Variants in ATP2A2 observed in about 807,000 individuals in gnomAD.
ATP2A2 encodes sarcoplasmic/endoplasmic reticulum calcium ATPase 2.
A neutral mutation model predicts 109.3 loss-of-function variants in ATP2A2; 14 were observed. The ratio of observed to expected loss-of-function variants is 0.13; its 90% confidence interval spans 0.08 to 0.20. ATP2A2 has a LOEUF of 0.20. Among genes scored for constraint, ATP2A2 ranks in the 10% least tolerant of loss-of-function variants. The pLI is 1.00. For synonymous variants in ATP2A2, 506 were observed against 490.9 expected (o/e 1.03, Z -0.41); for missense variants, 657 against 1,321.6 (o/e 0.50, Z 7.80).
intron 4 of ATP2A2, among the ~76,000 whole-genome samples, chr12:110,294,287 C>T (rs1016145998): frequency 6.6e-6 from 1 of 152,166 alleles, no homozygotes; most frequent in African/African-American, 2.4e-5. Flanking sequence ...TTGTGATCCG[C>T]CTGCCTCGGC....
In ATP2A2 at chr12:110,339,150, G is replaced by T; in HGVS notation, c.1420-131G>T. The T allele has an allele frequency of 7.7e-7, 1 of 1,292,342 alleles. No individual in the cohort carries two copies. The highest frequency in any genetic ancestry group is 2.4e-5 in the East Asian group (1 of 41,552). 80.1% of individuals were successfully genotyped at this position (1,292,342 alleles called of 1,614,324 possible). ...AAAATAGGGGACAAGTTTCATGAGG[G>T]CAAAAACCTGTCTGTTTTGTTTATT... On this transcript the variant is annotated intron_variant, in intron 11 of 19. Coordinates refer to ENST00000539276, the MANE Select transcript of ATP2A2 (RefSeq NM_170665.4). The surrounding 1 kb of genome is among the most constrained non-coding windows in gnomAD (Gnocchi z 4.4).
At chr12:110,332,740 A>G in intron 9 of ATP2A2, 55 bp downstream of exon 9, 3 of 1,423,862 alleles carry the variant, frequency 2.1e-6, no homozygotes, top group Admixed American at 3.3e-5. Flanking sequence ...TAGTATTTGT[A>G]TTGATTTGCA....
chr12:110,317,413 T>G (rs1876782998), intron 5 of ATP2A2, among the ~76,000 whole-genome samples: 1 of 145,616 alleles, frequency 6.9e-6, no homozygotes, highest in South Asian at 2.1e-4. Flanking sequence ...ATTTTTGGTT[T>G]GTTTGGGTTT....
At position 110,339,476 on chromosome 12, in the gene ATP2A2, G is replaced by GT. The variant is rs1566237848; in HGVS notation, c.1543-24dup. 6 of 1,613,932 alleles carry GT rather than the reference G, an allele frequency of 3.7e-6. No homozygotes were observed. The Admixed American group carries it at 6.7e-5, about 18-fold the overall frequency. On this transcript the variant is annotated intron_variant, in intron 12 of 19. Transcript: ENST00000539276. The surrounding 1 kb of genome is among the most constrained non-coding windows in gnomAD (Gnocchi z 4.4). Reference sequence around the variant, plus strand: ...CCCGGTGAACCAATAAAACAAAATTGTTTATCTAAATCTGTAACATTTCCA... The same window carrying GT: ...CCCGGTGAACCAATAAAACAAAATTGTTTTATCTAAATCTGTAACATTTCCA...
At chr12:110,288,175 A>T (rs1219804241) in intron 3 of ATP2A2, among the ~76,000 whole-genome samples, 2 of 140,940 alleles carry the variant, frequency 1.4e-5, no homozygotes, top group Non-Finnish European at 3.0e-5. Flanking sequence ...TAGTGGCACG[A>T]TCATAGCTCA....
At position 110,325,156 on chromosome 12, in the gene ATP2A2, A is replaced by G. The variant is rs900180033; in HGVS notation, c.545-1234A>G. ...AAGTTTAAAAAAAAATTTAAACTTC[A>G]TAGAGGTTCTCGAATATTATCTTTC... On this transcript the variant is annotated intron_variant, in intron 6 of 19. Transcript: ENST00000539276. Among the ~76,000 whole-genome samples, 22 of 152,324 alleles carry G rather than the reference A, an allele frequency of 1.4e-4. 1 individual carries two copies. Among genetic ancestry groups the G allele is most frequent in the Admixed American group, 6.5e-5 (1 of 15,302 alleles).
chr12:110,297,629 G>A (rs1177764272), intron 5 of ATP2A2, among the ~76,000 whole-genome samples: 2 of 151,118 alleles, frequency 1.3e-5, no homozygotes, highest in African/African-American at 4.9e-5. Context: ...GTTTTGTTTT[G>A]TTTTTTGAGA....
Position 110,343,440 on chromosome 12 carries a change from T to C in ATP2A2, c.2521+6T>C. 6.2e-7 allele frequency: 1 copy of C among 1,613,684 alleles called. No homozygotes were observed. Among genetic ancestry groups the C allele is most frequent in the South Asian group, 1.1e-5 (1 of 91,068 alleles). ...CCGTTACTTGGCTATTGGCTGTGAGTACAATTTTTTTATATTACTGATTTT... is the reference window on the plus strand; with the variant it reads ...CCGTTACTTGGCTATTGGCTGTGAGCACAATTTTTTTATATTACTGATTTT... On this transcript the variant is annotated splice_donor_region_variant and intron_variant, in intron 16 of 19. Transcript: ENST00000539276.
intron 3 of ATP2A2, among the ~76,000 whole-genome samples, chr12:110,286,472 A>C (rs1872672503): frequency 6.6e-6 from 1 of 152,220 alleles, no homozygotes; most frequent in Admixed American, 6.5e-5. Context: ...AATGACTTGA[A>C]AGGTGGATTT....
At chr12:110,285,915 C>CT (rs371107246) in intron 3 of ATP2A2, among the ~76,000 whole-genome samples, 9,355 of 120,560 alleles carry the variant, frequency 0.078, 593 homozygotes, top group African/African-American at 0.16. Context: ...TGAGTTAGTG[C>CT]TTTTTTTTTT....
intron 3 of ATP2A2, among the ~76,000 whole-genome samples, chr12:110,284,481 A>G (rs1415781090): frequency 6.6e-6 from 1 of 152,154 alleles, no homozygotes; most frequent in Non-Finnish European, 1.5e-5. Flanking sequence ...TGGTGTTACT[A>G]TTGGGGTTGC....
chr12:110,322,427 A>G (rs925742609), intron 5 of ATP2A2, among the ~76,000 whole-genome samples: 3 of 151,708 alleles, frequency 2.0e-5, no homozygotes, highest in African/African-American at 7.3e-5. Context: ...GTGAGCTGTG[A>G]TTGCCTCACT....
chr12:110,342,457 C>CT lies in ATP2A2; in HGVS notation c.2318+10dup. On this transcript the variant is annotated intron_variant, in intron 15 of 19. Transcript: ENST00000539276. This position sits in a 1 kb window ranked among gnomAD's most constrained non-coding sequence, Gnocchi z 4.6. ...GTCGGGGAAGTTGTCTGGTAGGTCTCTGTGACAGCATCACTTACTGTACGC... is the reference window on the plus strand; with the variant it reads ...GTCGGGGAAGTTGTCTGGTAGGTCTCTTGTGACAGCATCACTTACTGTACGC... 6.2e-7 allele frequency: 1 copy of CT among 1,612,244 alleles called. No individual in the cohort carries two copies. The highest frequency in any genetic ancestry group is 8.5e-7 in the Non-Finnish European group (1 of 1,179,216).
intron 6 of ATP2A2, chr12:110,325,765 T>C (rs1368674129): frequency 6.4e-6 from 1 of 156,970 alleles, no homozygotes. Flanking sequence ...GAGCAAATTG[T>C]TTGAGTCCAC....
At chr12:110,295,087 G>A (rs535283868) in intron 4 of ATP2A2, among the ~76,000 whole-genome samples, 5 of 152,162 alleles carry the variant, frequency 3.3e-5, no homozygotes, top group South Asian at 4.2e-4. Flanking sequence ...CCAAAGTGCC[G>A]GGATTACAGG....
chr12:110,335,888 A>C (rs573541386), intron 11 of ATP2A2, among the ~76,000 whole-genome samples: 1 of 152,246 alleles, frequency 6.6e-6, no homozygotes. Context: ...GCTGTGTGGC[A>C]GCAGCAGCAG....
At position 110,350,014 on chromosome 12, in the gene ATP2A2, G is replaced by T; in HGVS notation, c.*3544G>T. The T allele has an allele frequency of 7.3e-7, 1 of 1,362,860 alleles. No homozygotes were observed. The highest frequency in any genetic ancestry group is 9.5e-7 in the Non-Finnish European group (1 of 1,056,404). 84.4% of individuals were successfully genotyped at this position (1,362,860 alleles called of 1,614,324 possible). ...GTCTCGCTGCTTTCACAGCTGCAAC[G>T]ATTGTGTCTGCCTCATGGGGTTTTC... is the stretch of plus-strand genomic sequence containing the variant. On this transcript the variant is annotated 3_prime_UTR_variant, in exon 20 of 20. Transcript: ENST00000539276.
chr12:110,350,479 G>T lies in ATP2A2; in HGVS notation c.*4009G>T, dbSNP rs1880299813. The T allele has an allele frequency of 1.0e-6, 1 of 993,812 alleles. No homozygotes were observed. The highest frequency in any genetic ancestry group is 1.6e-5 in the African/African-American group (1 of 61,304). The allele number at this position is 993,812 out of a possible 1,614,324, so 61.6% of individuals were successfully genotyped here. On this transcript the variant is annotated 3_prime_UTR_variant, in exon 20 of 20. Transcript: ENST00000539276. Reference sequence around the variant, plus strand: ...GGAAATGTGTATTACCAATGGGGTTGTTAGCTTTTAAATCAAAATACTGAT... The same window carrying T: ...GGAAATGTGTATTACCAATGGGGTTTTTAGCTTTTAAATCAAAATACTGAT...
chr12:110,339,688 C>G lies in ATP2A2; in HGVS notation c.1728C>G (p.His576Gln). ...HDNPLRREEMHLEDSANFIKY... is the reference protein window; with the variant it reads ...HDNPLRREEMQLEDSANFIKY... ...ACCCACTGAGAAGAGAAGAAATGCACCTTGAGGACTCTGCCAACTTTATTA... is the reference window on the plus strand; with the variant it reads ...ACCCACTGAGAAGAGAAGAAATGCAGCTTGAGGACTCTGCCAACTTTATTA... The change falls in exon 13 of 20, where the codon CAC becomes CAG. Residue 576 changes from histidine to glutamine, a missense_variant. Physicochemically the swap from His to Gln is conservative, Grantham distance 24. This residue lies in a region of ATP2A2 where 180 missense variants were observed against 329.1 expected (regional missense o/e 0.55). Coordinates refer to ENST00000539276, the MANE Select transcript of ATP2A2 (RefSeq NM_170665.4). This position sits in a 1 kb window ranked among gnomAD's most constrained non-coding sequence, Gnocchi z 4.4. The G allele has an allele frequency of 6.2e-7, 1 of 1,614,056 alleles. No homozygotes were observed. The highest frequency in any genetic ancestry group is 8.5e-7 in the Non-Finnish European group (1 of 1,180,026).
Sources: gnomAD v4.1 joint callset for allele counts (sites outside exome capture counted in the v4.1 genomes callset) on GRCh38, gnomAD v4.1.1 for gene constraint, gnomAD v4.1.1 regional missense constraint, Gnocchi (gnomAD v3.1) non-coding constraint, MANE v1.5 for transcripts, NCBI Gene and HGNC (gene_info 2026-07-23, HGNC 2026-07-21) for gene names.